CDH12: variants seen among roughly 807,000 people sequenced by gnomAD.
CDH12 encodes cadherin 12.
CDH12 carries 41 observed loss-of-function variants against 74.1 expected under a neutral mutation model. The observed-to-expected ratio is 0.55, with a 90% CI of 0.43 to 0.72. The LOEUF is 0.72. Ranked by LOEUF, CDH12 falls within the 30% of genes least tolerant of loss-of-function variation. The pLI, the probability that CDH12 is intolerant of heterozygous loss-of-function variation, is 0.00. For missense variants in CDH12, 945 were observed against 977.2 expected, an observed-to-expected ratio of 0.97 and a Z score of 0.44; for synonymous variants, 399 against 355.0, an observed-to-expected ratio of 1.12 and a Z score of -1.39.
chr5:21,990,323 C>A (rs1416442577), intron 5 of CDH12, among the ~76,000 whole-genome samples: 2 of 151,924 alleles, frequency 1.3e-5, no homozygotes, highest in Non-Finnish European at 2.9e-5. Flanking sequence ...AGGGTGTATA[C>A]AACATAAAAA....
At chr5:22,377,825 C>A (rs116650589) in intron 3 of CDH12, among the ~76,000 whole-genome samples, 247 of 152,250 alleles carry the variant, frequency 1.6e-3, no homozygotes, top group Middle Eastern at 6.8e-3. Flanking sequence ...TAAAAACTCA[C>A]TGATGCATCA....
rs180862608 is a variant in CDH12 at position 21,925,120 on chromosome 5, G to C, written c.526+49971C>G. Among the ~76,000 whole-genome samples the C allele has an allele frequency of 7.7e-4, 118 of 152,306 alleles. 1 individual carries two copies. The highest frequency in any genetic ancestry group is 1.8e-3 in the Admixed American group (27 of 15,300). On this transcript the variant is annotated intron_variant, in intron 6 of 14. Coordinates refer to ENST00000382254, the MANE Select transcript of CDH12 (RefSeq NM_004061.5). ...AGCGTTACTACAGCAGCAAAGATGG[G>C]AAGATCAAATTCTGAATATTCCTGA...
chr5:21,850,092 T>TA (rs1561240731), intron 7 of CDH12, among the ~76,000 whole-genome samples: 2 of 151,392 alleles, frequency 1.3e-5, no homozygotes, highest in African/African-American at 4.8e-5. Context: ...ATGTGGAATC[T>TA]AAAAAAAGAG....
At chr5:22,259,412 C>G (rs982497012) in intron 3 of CDH12, among the ~76,000 whole-genome samples, 3 of 152,032 alleles carry the variant, frequency 2.0e-5, no homozygotes, top group Non-Finnish European at 2.9e-5. Context: ...TTATATTACT[C>G]TTGTTTGAAT....
chr5:22,132,156 A>G (rs181841168), intron 4 of CDH12, among the ~76,000 whole-genome samples: 7 of 152,164 alleles, frequency 4.6e-5, no homozygotes, highest in African/African-American at 1.4e-4. Flanking sequence ...ATAGATATAT[A>G]GATGGAAGGC....
chr5:22,310,215 C>A (rs1580508974), intron 3 of CDH12, among the ~76,000 whole-genome samples: 1 of 152,040 alleles, frequency 6.6e-6, no homozygotes, highest in South Asian at 2.1e-4. Flanking sequence ...ATTCCCTGCA[C>A]TTTGGGAGGC....
intron 3 of CDH12, among the ~76,000 whole-genome samples, chr5:22,398,292 C>A (rs1742550821): frequency 6.6e-6 from 1 of 152,052 alleles, no homozygotes; most frequent in South Asian, 2.1e-4. Context: ...TACCTCAGGT[C>A]TTTTTCCAGG....
chr5:21,963,118 GATAGATA>G (rs1756435716), intron 6 of CDH12, among the ~76,000 whole-genome samples: 1 of 151,656 alleles, frequency 6.6e-6, no homozygotes, highest in African/African-American at 2.4e-5. Flanking sequence ...TAGATAGATA[GATAGATA>G]GAGAGATGAT....
chr5:22,597,255 A>T (rs933401893), intron 1 of CDH12, among the ~76,000 whole-genome samples: 3 of 152,196 alleles, frequency 2.0e-5, no homozygotes, highest in African/African-American at 7.2e-5. Flanking sequence ...AGTTTGGATA[A>T]AAATATAACA....
Position 21,783,988 on chromosome 5 carries a change from C to A in CDH12, c.1257-494G>T, listed in dbSNP as rs545062595. ...TTTAACTGACAATTTGGTAATTATA[C>A]AAAAATATTTCCTCAAACACATATA... On this transcript the variant is annotated intron_variant, in intron 10 of 14. Transcript: ENST00000382254. Among the ~76,000 whole-genome samples the A allele has an allele frequency of 2.0e-5, 3 of 152,098 alleles. No individual in the cohort carries two copies. In the East Asian group the frequency reaches 5.8e-4, roughly 29 times the overall value.
chr5:22,746,324 T>A (rs1366945239), intron 1 of CDH12, among the ~76,000 whole-genome samples: 2 of 152,072 alleles, frequency 1.3e-5, no homozygotes, highest in African/African-American at 2.4e-5. Context: ...ACAACAATTT[T>A]AAAAAAAGAA....
intron 1 of CDH12, among the ~76,000 whole-genome samples, chr5:22,515,573 G>A (rs1736774962): frequency 1.3e-5 from 2 of 151,954 alleles, no homozygotes. Flanking sequence ...ATTTAGAAAT[G>A]GAAGGGAGAG....
chr5:22,051,923 A>G (rs906837047), intron 5 of CDH12, among the ~76,000 whole-genome samples: 6 of 152,196 alleles, frequency 3.9e-5, no homozygotes, highest in Non-Finnish European at 8.8e-5. Context: ...TAAGATTTTA[A>G]AAACTATTAC....
At chr5:22,621,906 T>C (rs1453451997) in intron 1 of CDH12, among the ~76,000 whole-genome samples, 1 of 152,106 alleles carries the variant, frequency 6.6e-6, no homozygotes, top group Non-Finnish European at 1.5e-5. Context: ...TCATTTTCAA[T>C]GGAATTTTAC....
chr5:22,373,550 C>T (rs1261379), intron 3 of CDH12, among the ~76,000 whole-genome samples: 1 of 151,982 alleles, frequency 6.6e-6, no homozygotes, highest in East Asian at 1.9e-4. Flanking sequence ...CAGGCATGCT[C>T]AGAACACTGC....
intron 1 of CDH12, among the ~76,000 whole-genome samples, chr5:22,712,512 A>G (rs1743342288): frequency 6.6e-6 from 1 of 152,030 alleles, no homozygotes; most frequent in Admixed American, 6.6e-5. Flanking sequence ...GGATAACCTG[A>G]TGAAACTCTC....
chr5:22,282,255 C>T (rs1736921704), intron 3 of CDH12, among the ~76,000 whole-genome samples: 1 of 152,034 alleles, frequency 6.6e-6, no homozygotes, highest in Non-Finnish European at 1.5e-5. Flanking sequence ...AGATGGATTA[C>T]AGACTTAAAC....
chr5:22,022,888 T>A (rs1738079386), intron 5 of CDH12, among the ~76,000 whole-genome samples: 1 of 152,132 alleles, frequency 6.6e-6, no homozygotes, highest in African/African-American at 2.4e-5. Context: ...TCTATTCCCA[T>A]CATAAACAGA....
rs60207590 is a variant in CDH12 at position 22,030,419 on chromosome 5, G to A, written c.231+48027C>T. On this transcript the variant is annotated intron_variant, in intron 5 of 14. Coordinates refer to ENST00000382254, the MANE Select transcript of CDH12 (RefSeq NM_004061.5). ...TGAATACCTTTATCAGAGCTCTTGG[G>A]TGACCAGGTGCATTGTGAATGAGCA... Among the ~76,000 whole-genome samples, 610 of 152,204 alleles carry A rather than the reference G, an allele frequency of 4.0e-3. 8 individuals carry two copies. Among genetic ancestry groups the A allele is most frequent in the Middle Eastern group, 0.014 (4 of 294 alleles).
Sources: gnomAD v4.1 joint callset for allele counts (sites outside exome capture counted in the v4.1 genomes callset) on GRCh38, gnomAD v4.1.1 for gene constraint, MANE v1.5 for transcripts, NCBI Gene and HGNC (gene_info 2026-07-23, HGNC 2026-07-21) for gene names.